CAMTA1: variants seen among roughly 807,000 people sequenced by gnomAD.
The protein encoded by CAMTA1 is calmodulin binding transcription activator 1, also known as calmodulin-binding transcription activator 1.
A neutral mutation model predicts 170.9 loss-of-function variants in CAMTA1; 27 were observed. That is an observed-to-expected ratio of 0.16 (90% CI 0.12 to 0.22). The LOEUF (loss-of-function observed/expected upper bound fraction) is 0.22. CAMTA1 is among the 10% of genes least tolerant of loss of function. The probability of loss-of-function intolerance (pLI) is 1.00; values close to 1 mark genes in which losing one functional copy is unlikely to be tolerated. For synonymous variants in CAMTA1, 833 were observed against 891.5 expected (o/e 0.93, Z 1.17); for missense variants, 1,619 against 2,217.2 (o/e 0.73, Z 5.42).
At chr1:7,143,700 A>G (rs545729538) in intron 4 of CAMTA1, among the ~76,000 whole-genome samples, 5 of 152,336 alleles carry the variant, frequency 3.3e-5, no homozygotes, top group African/African-American at 1.2e-4. Context: ...CTATATAGCA[A>G]ACACTCCCTT....
intron 5 of CAMTA1, among the ~76,000 whole-genome samples, chr1:7,284,727 C>T (rs1378121571): frequency 1.3e-5 from 2 of 152,224 alleles, no homozygotes; most frequent in Non-Finnish European, 2.9e-5. Context: ...TGCCCACCCA[C>T]CACAAGGCCT....
chr1:7,363,199 C>T (rs1301335284), intron 5 of CAMTA1, among the ~76,000 whole-genome samples: 1 of 152,200 alleles, frequency 6.6e-6, no homozygotes, highest in East Asian at 1.9e-4. Flanking sequence ...CACTCATGGA[C>T]ATGAGCTGGG....
Position 6,887,738 on chromosome 1 carries a change from A to G in CAMTA1, c.234+62528A>G. On this transcript the variant is annotated intron_variant, in intron 3 of 22. Transcript: ENST00000303635. The surrounding 1 kb of genome is among the most constrained non-coding windows in gnomAD (Gnocchi z 4.1). ...CCATGAGGGCTGACACATTGGAATG[A>G]AAGCTGGCAGAATTCGTAGGGAGAG... The G allele has an allele frequency of 6.5e-7, 1 of 1,535,250 alleles. No homozygotes were observed. Among genetic ancestry groups the G allele is most frequent in the African/African-American group, 1.4e-5 (1 of 73,158 alleles).
intron 4 of CAMTA1, among the ~76,000 whole-genome samples, chr1:7,209,018 C>T (rs561706337): frequency 3.9e-5 from 6 of 152,230 alleles, no homozygotes; most frequent in South Asian, 4.2e-4. Flanking sequence ...GCCATGATAC[C>T]GAAATAGCCT....
At chr1:7,233,310 G>A (rs1041412301) in intron 4 of CAMTA1, among the ~76,000 whole-genome samples, 1 of 152,306 alleles carries the variant, frequency 6.6e-6, no homozygotes, top group African/African-American at 2.4e-5. Context: ...CGGTGGGGCT[G>A]AACATGAGCC....
chr1:7,130,543 T>C (rs926129062), intron 4 of CAMTA1, among the ~76,000 whole-genome samples: 7 of 152,232 alleles, frequency 4.6e-5, no homozygotes, highest in African/African-American at 7.2e-5. Context: ...TATTTTCCTA[T>C]GTGATTTTTG....
chr1:7,357,401 GAGT>G (rs1177348794), intron 5 of CAMTA1, among the ~76,000 whole-genome samples: 3 of 152,222 alleles, frequency 2.0e-5, no homozygotes, highest in African/African-American at 7.2e-5. Flanking sequence ...CAGAGGAACT[GAGT>G]TGCCCCCTTG....
intron 1 of CAMTA1, among the ~76,000 whole-genome samples, chr1:6,803,887 A>AT (rs1219782664): frequency 1.0e-3 from 146 of 145,934 alleles, no homozygotes; most frequent in African/African-American, 1.8e-3. Flanking sequence ...GCTGATTAAA[A>AT]TTTTTTTTTT....
intron 3 of CAMTA1, among the ~76,000 whole-genome samples, chr1:6,838,393 G>C (rs1654163515): frequency 6.6e-6 from 1 of 152,162 alleles, no homozygotes; most frequent in African/African-American, 2.4e-5. Context: ...TCCTGTCTAA[G>C]GGGCGAGTGA....
At position 7,333,649 on chromosome 1, in the gene CAMTA1, G is replaced by A. The variant is rs1279934887; in HGVS notation, c.438+84023G>A. On this transcript the variant is annotated intron_variant, in intron 5 of 22. Transcript: ENST00000303635. The surrounding 1 kb of genome is among the most constrained non-coding windows in gnomAD (Gnocchi z 4.4). ...GTCGTCCCAGCTTCTAGGGAGGCTG[G>A]GGTTACAGCCTCCGCCATGTTGCAG... Among the ~76,000 whole-genome samples the A allele has an allele frequency of 7.2e-5, 11 of 152,338 alleles. No homozygotes were observed. The highest frequency in any genetic ancestry group is 1.6e-4 in the Non-Finnish European group (11 of 68,030).
In CAMTA1 at chr1:7,323,989, A is replaced by G. The variant is rs548323930; in HGVS notation, c.438+74363A>G. On this transcript the variant is annotated intron_variant, in intron 5 of 22. Transcript: ENST00000303635. ...TGTATGTTCTGTGGTGCAATGCCCT[A>G]TATGTTTGGTCAGATTTATTAATTG... Among the ~76,000 whole-genome samples the G allele has an allele frequency of 1.6e-3, 250 of 152,240 alleles. 1 individual carries two copies. Among genetic ancestry groups the G allele is most frequent in the African/African-American group, 5.7e-3 (235 of 41,548 alleles).
intron 4 of CAMTA1, among the ~76,000 whole-genome samples, chr1:7,103,726 C>T (rs549432134): frequency 1.3e-5 from 2 of 150,974 alleles, no homozygotes; most frequent in South Asian, 2.1e-4. Flanking sequence ...CACACATGTA[C>T]ACACCACACA....
At position 7,736,019 on chromosome 1, in the gene CAMTA1, C is replaced by T. The variant is rs2096769765; in HGVS notation, c.3067-325C>T. On this transcript the variant is annotated intron_variant, in intron 12 of 22. Coordinates refer to ENST00000303635, the MANE Select transcript of CAMTA1 (RefSeq NM_015215.4). The surrounding 1 kb of genome is among the most constrained non-coding windows in gnomAD (Gnocchi z 4.5). ...CGAACTCCTGACCACAAGAGATCTG[C>T]CCGCCTCAGCCTCCCAAAGTGCTGG... Among the ~76,000 whole-genome samples, 2 of 152,038 alleles carry T rather than the reference C, an allele frequency of 1.3e-5. No individual in the cohort carries two copies. Among genetic ancestry groups the T allele is most frequent in the Non-Finnish European group, 2.9e-5 (2 of 67,996 alleles).
At chr1:7,445,409 G>A (rs527696251) in intron 5 of CAMTA1, among the ~76,000 whole-genome samples, 188 of 152,120 alleles carry the variant, frequency 1.2e-3, no homozygotes, top group African/African-American at 4.1e-3. Flanking sequence ...GGTCTGAGCT[G>A]GGTCTGAAGG....
At chr1:7,605,783 G>A (rs1325482586) in intron 6 of CAMTA1, among the ~76,000 whole-genome samples, 4 of 152,202 alleles carry the variant, frequency 2.6e-5, no homozygotes, top group African/African-American at 7.2e-5. Flanking sequence ...GCTCATGCGG[G>A]GAGCTGTAGA....
intron 4 of CAMTA1, among the ~76,000 whole-genome samples, chr1:7,220,242 T>G (rs1016203777): frequency 2.6e-5 from 4 of 152,038 alleles, no homozygotes; most frequent in Non-Finnish European, 5.9e-5. Context: ...ATACATGGAG[T>G]ATCTTTGTTC....
rs545095299 is a variant in CAMTA1 at position 7,071,445 on chromosome 1, G to A, written c.235-19859G>A. On this transcript the variant is annotated intron_variant, in intron 3 of 22. Coordinates refer to ENST00000303635, the MANE Select transcript of CAMTA1 (RefSeq NM_015215.4). ...TTATCATGAAACTTTTATTGTGCTT[G>A]TAGTTGTGTTTTTAATTATTATTTT... Among the ~76,000 whole-genome samples the A allele has an allele frequency of 3.9e-5, 6 of 152,228 alleles. No homozygotes were observed. In the East Asian group the frequency reaches 1.2e-3, roughly 29 times the overall value.
At chr1:7,004,078 T>C (rs1698631407) in intron 3 of CAMTA1, among the ~76,000 whole-genome samples, 1 of 152,192 alleles carries the variant, frequency 6.6e-6, no homozygotes, top group Non-Finnish European at 1.5e-5. Context: ...AATAAAAAAT[T>C]GCCCAACATG....
At chr1:7,464,992 G>A (rs546651529) in intron 5 of CAMTA1, among the ~76,000 whole-genome samples, 20 of 152,260 alleles carry the variant, frequency 1.3e-4, no homozygotes, top group African/African-American at 4.6e-4. Flanking sequence ...ACAGCAAAGC[G>A]CGACTCCACA....
Sources: gnomAD v4.1 joint callset for allele counts (sites outside exome capture counted in the v4.1 genomes callset) on GRCh38, gnomAD v4.1.1 for gene constraint, Gnocchi (gnomAD v3.1) non-coding constraint, MANE v1.5 for transcripts, NCBI Gene and HGNC (gene_info 2026-07-23, HGNC 2026-07-21) for gene names.